RNF220: variants seen among roughly 807,000 people sequenced by gnomAD.
RNF220 encodes the protein E3 ubiquitin-protein ligase RNF220.
A neutral mutation model predicts 67.1 loss-of-function variants in RNF220; 7 were observed. That is an observed-to-expected ratio of 0.10 (90% CI 0.06 to 0.20). RNF220 has a LOEUF of 0.20. Ranked by LOEUF, RNF220 falls within the 10% of genes least tolerant of loss-of-function variation. The pLI is 1.00. For missense variants in RNF220, 565 were observed against 740.3 expected (o/e 0.76, Z 2.75); for synonymous variants, 270 against 283.2 (o/e 0.95, Z 0.47).
At chr1:44,608,555 A>T (rs1198250448) in intron 2 of RNF220, among the ~76,000 whole-genome samples, 1 of 152,218 alleles carries the variant, frequency 6.6e-6, no homozygotes, top group Non-Finnish European at 1.5e-5. Flanking sequence ...TAGAGACAGT[A>T]ACACCTACCT....
rs556860092 is a variant in RNF220 at position 44,650,295 on chromosome 1, C to A, written c.1629+338C>A. ...CAGGACCAGGGCCTTGGCCCCTCCC[C>A]CTCCCATTACTAAGCTCCTTCTGCT... On this transcript the variant is annotated intron_variant, in intron 14 of 14. Transcript: ENST00000361799. This position sits in a 1 kb window ranked among gnomAD's most constrained non-coding sequence, Gnocchi z 4.3. The A allele has an allele frequency of 2.0e-6, 1 of 499,894 alleles. No individual in the cohort carries two copies. The highest frequency in any genetic ancestry group is 3.5e-5 in the Admixed American group (1 of 28,972). The allele number at this position is 499,894 out of a possible 1,614,324, so 31.0% of individuals were successfully genotyped here.
chr1:44,647,239 C>G (rs560933035), intron 12 of RNF220, among the ~76,000 whole-genome samples: 9 of 152,314 alleles, frequency 5.9e-5, no homozygotes, highest in African/African-American at 1.9e-4. Context: ...CCCCCAGCTG[C>G]AGGCCTTAGT....
At chr1:44,623,222 CGT>C (rs141543599) in intron 4 of RNF220, among the ~76,000 whole-genome samples, 2,145 of 151,928 alleles carry the variant, frequency 0.014, 73 homozygotes, top group Admixed American at 0.066. Flanking sequence ...CAGGTGTGTG[CGT>C]GTGTGTGTGT....
chr1:44,448,218 G>A (rs1319687898), intron 2 of RNF220, among the ~76,000 whole-genome samples: 2 of 152,228 alleles, frequency 1.3e-5, no homozygotes, highest in African/African-American at 2.4e-5. Flanking sequence ...AGAATCGCTC[G>A]AACCTGCGAG....
At position 44,438,119 on chromosome 1, in the gene RNF220, T is replaced by C. The variant is rs1651165790; in HGVS notation, c.625+25397T>C. ...TTAAATTTTTGTAAATTTTGTACTT[T>C]AGTTTGTTTTTTTGTTTTTGAGACA... On this transcript the variant is annotated intron_variant, in intron 2 of 14. Coordinates refer to ENST00000361799, the MANE Select transcript of RNF220 (RefSeq NM_018150.4). Among the ~76,000 whole-genome samples the C allele has an allele frequency of 1.3e-5, 2 of 152,146 alleles. 1 individual carries two copies. The highest frequency in any genetic ancestry group is 4.1e-4 in the South Asian group (2 of 4,830).
rs745941549 is a variant in RNF220 at position 44,622,818 on chromosome 1, C to T, written c.804+31C>T. 5 of 1,602,506 alleles carry T rather than the reference C, an allele frequency of 3.1e-6. No individual in the cohort carries two copies. Among genetic ancestry groups the T allele is most frequent in the Non-Finnish European group, 4.3e-6 (5 of 1,169,510 alleles). Reference sequence around the variant, plus strand: ...TGGCCAATTACATGTTTTCCTCCTGCCCATACTAACCTAGGCCTACCCAGA... The same window carrying T: ...TGGCCAATTACATGTTTTCCTCCTGTCCATACTAACCTAGGCCTACCCAGA... On this transcript the variant is annotated intron_variant, in intron 4 of 14. Transcript: ENST00000361799. This position sits in a 1 kb window ranked among gnomAD's most constrained non-coding sequence, Gnocchi z 4.3.
At chr1:44,532,324 T>A (rs1660896740) in intron 2 of RNF220, among the ~76,000 whole-genome samples, 1 of 152,166 alleles carries the variant, frequency 6.6e-6, no homozygotes, top group South Asian at 2.1e-4. Flanking sequence ...CATTGCTGAG[T>A]CATGTCTCTT....
chr1:44,488,563 C>T (rs1251819609), intron 2 of RNF220, among the ~76,000 whole-genome samples: 2 of 152,214 alleles, frequency 1.3e-5, no homozygotes, highest in African/African-American at 4.8e-5. Flanking sequence ...GATCCTCCTG[C>T]CTCAGCTTCC....
intron 2 of RNF220, among the ~76,000 whole-genome samples, chr1:44,525,317 C>A (rs1572769507): frequency 6.6e-6 from 1 of 152,232 alleles, no homozygotes; most frequent in African/African-American, 2.4e-5. Flanking sequence ...GGAAAGGCTG[C>A]TGGCTGGTGT....
chr1:44,557,004 C>T (rs1006052894), intron 2 of RNF220, among the ~76,000 whole-genome samples: 2 of 151,770 alleles, frequency 1.3e-5, no homozygotes, highest in Non-Finnish European at 2.9e-5. Context: ...GAAACAATCC[C>T]TCCGCTAATA....
At chr1:44,564,267 G>A (rs270762) in intron 2 of RNF220, among the ~76,000 whole-genome samples, 24,654 of 152,056 alleles carry the variant, frequency 0.16, 4,577 homozygotes, top group African/African-American at 0.44. Flanking sequence ...TGCCTGGACC[G>A]TTGCAATCAC....
chr1:44,501,443 T>C (rs1188298078), intron 2 of RNF220, among the ~76,000 whole-genome samples: 1 of 152,118 alleles, frequency 6.6e-6, no homozygotes, highest in East Asian at 1.9e-4. Flanking sequence ...ACACCCAGGC[T>C]GGCAGAAAGG....
rs375347895 is a variant in RNF220, at chr1:44,527,784, G to A, written c.626-86381G>A. Among the ~76,000 whole-genome samples, 19 of 151,860 alleles carry A rather than the reference G, an allele frequency of 1.3e-4. No homozygotes were observed. The East Asian group carries it at 2.1e-3, about 17-fold the overall frequency. ...TTACTAAAAATACAAAAATTAGCCA[G>A]GCATGGTGGCAGGCACCTGTAGTCC... On this transcript the variant is annotated intron_variant, in intron 2 of 14. Transcript: ENST00000361799.
rs944957884 is a variant in RNF220 at position 44,650,365 on chromosome 1, C to T, written c.1630-339C>T. The T allele has an allele frequency of 1.1e-5, 5 of 468,888 alleles. No homozygotes were observed. The highest frequency in any genetic ancestry group is 2.5e-5 in the South Asian group (1 of 39,240). The allele number at this position is 468,888 out of a possible 1,614,324, so 29.0% of individuals were successfully genotyped here. On this transcript the variant is annotated intron_variant, in intron 14 of 14. Transcript: ENST00000361799. The surrounding 1 kb of genome is among the most constrained non-coding windows in gnomAD (Gnocchi z 4.3). ...CAGGAGCAGCCATTAAAATGTCGCC[C>T]GGAGACAGTAATAAAAGGCTCGGAC...
chr1:44,508,507 A>G (rs1658654091), intron 2 of RNF220, among the ~76,000 whole-genome samples: 1 of 152,206 alleles, frequency 6.6e-6, no homozygotes, highest in South Asian at 2.1e-4. Flanking sequence ...GGTGCCCCAA[A>G]AGATGGAAGA....
chr1:44,444,122 T>G (rs1211592484), intron 2 of RNF220, among the ~76,000 whole-genome samples: 4 of 152,100 alleles, frequency 2.6e-5, no homozygotes, highest in African/African-American at 9.7e-5. Context: ...AATAGAACAT[T>G]TCCAGCATGT....
At position 44,412,362 on chromosome 1, in the gene RNF220, C is replaced by A. The variant is rs753557652; in HGVS notation, c.265C>A (p.Pro89Thr). The A allele has an allele frequency of 1.9e-6, 3 of 1,614,048 alleles. No homozygotes were observed. Among genetic ancestry groups the A allele is most frequent in the East Asian group, 2.2e-5 (1 of 44,896 alleles). Residue 89 changes from proline to threonine, a missense_variant, in exon 2 of 15, where the codon CCC becomes ACC. Coordinates refer to ENST00000361799, the MANE Select transcript of RNF220 (RefSeq NM_018150.4). The surrounding 1 kb of genome is among the most constrained non-coding windows in gnomAD (Gnocchi z 5.3). ...AGGCACTTTTGCCAATCGTGATTTCCCCCCTTCTCTACTACACCTCCACCC... is the reference window on the plus strand; with the variant it reads ...AGGCACTTTTGCCAATCGTGATTTCACCCCTTCTCTACTACACCTCCACCC... ...VPGTFANRDF[P>T]PSLLHLHPQF...
chr1:44,462,539 A>G (rs149855793), intron 2 of RNF220, among the ~76,000 whole-genome samples: 92 of 152,358 alleles, frequency 6.0e-4, no homozygotes, highest in African/African-American at 1.9e-3. Context: ...CAAATTTCAC[A>G]TTAATCCTTG....
At chr1:44,604,773 A>G (rs1365461540) in intron 2 of RNF220, among the ~76,000 whole-genome samples, 1 of 152,248 alleles carries the variant, frequency 6.6e-6, no homozygotes, top group Non-Finnish European at 1.5e-5. Flanking sequence ...AGCATGCATC[A>G]CCATAGGAGT....
Sources: gnomAD v4.1 joint callset for allele counts (sites outside exome capture counted in the v4.1 genomes callset) on GRCh38, gnomAD v4.1.1 for gene constraint, Gnocchi (gnomAD v3.1) non-coding constraint, MANE v1.5 for transcripts, NCBI Gene and HGNC (gene_info 2026-07-23, HGNC 2026-07-21) for gene names.